IL1RAPL1: variants seen among roughly 807,000 people sequenced by gnomAD.
The protein encoded by IL1RAPL1 is interleukin-1 receptor accessory protein-like 1.
A neutral mutation model predicts 48.4 loss-of-function variants in IL1RAPL1; 3 were observed. The observed-to-expected ratio is 0.06, with a 90% CI of 0.03 to 0.16. The LOEUF is 0.16. Ranked by LOEUF, IL1RAPL1 falls within the 10% of genes least tolerant of loss-of-function variation. The pLI, the probability that IL1RAPL1 is intolerant of heterozygous loss-of-function variation, is 1.00. For missense variants in IL1RAPL1, 349 were observed against 530.6 expected, an observed-to-expected ratio of 0.66 and a Z score of 3.36; for synonymous variants, 185 against 187.7, an observed-to-expected ratio of 0.99 and a Z score of 0.12.
At chrX:28,771,043 T>C (rs182892137) in intron 1 of IL1RAPL1, among the ~76,000 whole-genome samples, 1 of 111,928 alleles carries the variant, frequency 8.9e-6, no homozygotes, top group East Asian at 2.8e-4. Context: ...ATTATTATGT[T>C]TGCCATTCTT....
intron 8 of IL1RAPL1, among the ~76,000 whole-genome samples, chrX:29,925,448 T>TGG (rs147953597): frequency 0.017 from 780 of 44,672 alleles, 71 homozygotes; most frequent in African/African-American, 0.069. Context: ...TTTTTTTTGC[T>TGG]GGGGGGGGCT....
chrX:28,796,878 A>G (rs1442926861), intron 2 of IL1RAPL1, among the ~76,000 whole-genome samples: 1 of 112,013 alleles, frequency 8.9e-6, no homozygotes, highest in East Asian at 2.8e-4. Flanking sequence ...CCTAGCAATG[A>G]TTCTCCATGA....
intron 2 of IL1RAPL1, among the ~76,000 whole-genome samples, chrX:28,857,382 T>G (rs1171090248): frequency 8.9e-6 from 1 of 111,806 alleles, no homozygotes; most frequent in Non-Finnish European, 1.9e-5. Context: ...CAGCCCTCTA[T>G]TGGAAGAATA....
rs760446795 is a variant in IL1RAPL1, at chrX:28,772,415, A to G, written c.-24-16905A>G. On this transcript the variant is annotated intron_variant, in intron 1 of 10. Coordinates refer to ENST00000378993, the MANE Select transcript of IL1RAPL1 (RefSeq NM_014271.4). ...ACTACTGGAGTTTAAAATTGTGCCT[A>G]TTTTTCCAGGAACAAGCTTAAATCC... Among the ~76,000 whole-genome samples the G allele has an allele frequency of 9.9e-5, 11 of 111,246 alleles. No individual in the cohort carries two copies. The East Asian group carries it at 2.8e-3, about 29-fold the overall frequency.
At chrX:29,798,316 A>G (rs979018925) in intron 6 of IL1RAPL1, among the ~76,000 whole-genome samples, 1 of 111,940 alleles carries the variant, frequency 8.9e-6, no homozygotes, top group Non-Finnish European at 1.9e-5. Context: ...AGGTTTATCC[A>G]GGTACTTTGT....
rs765383828 is a variant in IL1RAPL1, at chrX:29,343,311, C to T, written c.363-52947C>T. On this transcript the variant is annotated intron_variant, in intron 3 of 10. Transcript: ENST00000378993. The stretch of plus-strand genomic sequence containing the variant: ...ATATTTTTGTTCCCAGTGAGTCCCA[C>T]AGGGAGAAGCTGAGATGCCATAAAG... 9.9e-5 allele frequency among the ~76,000 whole-genome samples: 11 copies of T among 111,473 alleles called. No individual in the cohort carries two copies. In the East Asian group the frequency reaches 2.8e-3, roughly 28 times the overall value.
intron 5 of IL1RAPL1, among the ~76,000 whole-genome samples, chrX:29,441,168 C>T (rs760949310): frequency 9.0e-6 from 1 of 111,501 alleles, no homozygotes; most frequent in East Asian, 2.8e-4. Flanking sequence ...ACCTACTAGA[C>T]ATGTTCACTG....
chrX:29,587,544 T>G (rs2147807805), intron 5 of IL1RAPL1, among the ~76,000 whole-genome samples: 1 of 112,087 alleles, frequency 8.9e-6, no homozygotes, highest in South Asian at 3.7e-4. Flanking sequence ...ATGCAAAAAA[T>G]AAGTTTGTGA....
intron 6 of IL1RAPL1, among the ~76,000 whole-genome samples, chrX:29,814,710 G>T (rs1208455857): frequency 8.9e-6 from 1 of 112,008 alleles, no homozygotes; most frequent in East Asian, 2.8e-4. Flanking sequence ...CTAATGGTTT[G>T]AGAACTTACA....
At chrX:28,741,033 T>C (rs1317975726) in intron 1 of IL1RAPL1, among the ~76,000 whole-genome samples, 1 of 111,745 alleles carries the variant, frequency 8.9e-6, no homozygotes, top group Non-Finnish European at 1.9e-5. Flanking sequence ...GATTGAACAA[T>C]GTTTTTTTTC....
intron 1 of IL1RAPL1, among the ~76,000 whole-genome samples, chrX:28,739,986 T>C (rs1182139437): frequency 9.0e-6 from 1 of 111,462 alleles, no homozygotes; most frequent in East Asian, 2.8e-4. Flanking sequence ...TCTTTTTTTT[T>C]TAATTCCCAG....
chrX:29,609,686 A>G (rs1924030224), intron 5 of IL1RAPL1, among the ~76,000 whole-genome samples: 2 of 112,481 alleles, frequency 1.8e-5, no homozygotes, highest in South Asian at 7.3e-4. Context: ...ATGCATCAAT[A>G]TAATTAGTCA....
chrX:29,812,800 C>T (rs1601836489), intron 6 of IL1RAPL1, among the ~76,000 whole-genome samples: 1 of 111,231 alleles, frequency 9.0e-6, no homozygotes, highest in East Asian at 2.8e-4. Flanking sequence ...CTGTTAACAT[C>T]CTAATTTAAG....
intron 2 of IL1RAPL1, among the ~76,000 whole-genome samples, chrX:28,791,709 T>G (rs902703511): frequency 8.9e-6 from 1 of 112,189 alleles, no homozygotes; most frequent in Non-Finnish European, 1.9e-5. Context: ...TTCCTTCCCC[T>G]AGTGTCTATA....
intron 5 of IL1RAPL1, among the ~76,000 whole-genome samples, chrX:29,657,285 G>T (rs1004782308): frequency 1.8e-5 from 2 of 111,691 alleles, no homozygotes; most frequent in Admixed American, 1.9e-4. Context: ...TAATTCTTGC[G>T]TTTGTCTTTC....
intron 6 of IL1RAPL1, among the ~76,000 whole-genome samples, chrX:29,695,878 T>C (rs750889077): frequency 9.0e-6 from 1 of 111,438 alleles, no homozygotes; most frequent in Non-Finnish European, 1.9e-5. Context: ...ACTTATGCTA[T>C]TCTTATTGCT....
chrX:29,843,278 T>C (rs1340732573), intron 6 of IL1RAPL1, among the ~76,000 whole-genome samples: 1 of 112,349 alleles, frequency 8.9e-6, no homozygotes, highest in African/African-American at 3.2e-5. Flanking sequence ...ATGACCACTG[T>C]AACATGCATG....
chrX:29,518,151 A>C (rs1935466896), intron 5 of IL1RAPL1, among the ~76,000 whole-genome samples: 1 of 111,992 alleles, frequency 8.9e-6, no homozygotes, highest in Admixed American at 9.6e-5. Context: ...TAAAACAGAC[A>C]AAGAGGCAAA....
intron 2 of IL1RAPL1, among the ~76,000 whole-genome samples, chrX:28,981,620 G>T (rs758297211): frequency 8.9e-6 from 1 of 111,829 alleles, no homozygotes; most frequent in South Asian, 3.8e-4. Context: ...TCTGTATTTT[G>T]TGATGGTCTA....
Sources: allele counts gnomAD v4.1 joint callset (sites outside exome capture counted in the v4.1 genomes callset), GRCh38; gene constraint gnomAD v4.1.1; transcripts MANE v1.5; gene names NCBI Gene and HGNC (gene_info 2026-07-23, HGNC 2026-07-21).